Variants in PCNX2 observed in about 807,000 individuals in gnomAD.
The protein encoded by PCNX2 is pecanex-like protein 2.
A neutral mutation model predicts 223.8 loss-of-function variants in PCNX2; 168 were observed. The observed-to-expected ratio is 0.75, with a 90% CI of 0.66 to 0.85. The LOEUF (loss-of-function observed/expected upper bound fraction) is 0.85. Ranked by LOEUF, PCNX2 falls within the 40% of genes least tolerant of loss-of-function variation. The probability of loss-of-function intolerance (pLI) is 0.00; values close to 1 mark genes in which losing one functional copy is unlikely to be tolerated. For missense variants in PCNX2, 2,507 were observed against 2,675.5 expected (o/e 0.94, Z 1.39); for synonymous variants, 1,006 against 1,052.6 (o/e 0.96, Z 0.86).
chr1:233,121,536 T>C lies in PCNX2; in HGVS notation c.3837+13477A>G, dbSNP rs553451801. On this transcript the variant is annotated intron_variant, in intron 21 of 33. Coordinates refer to ENST00000258229, the MANE Select transcript of PCNX2 (RefSeq NM_014801.4). ...CTCAAGAAAAAGACCCATACAAATATGGTCAACTAGTTGTTGTTAAGGGCA... is the reference window on the plus strand; with the variant it reads ...CTCAAGAAAAAGACCCATACAAATACGGTCAACTAGTTGTTGTTAAGGGCA... 3.4e-4 allele frequency among the ~76,000 whole-genome samples: 52 copies of C among 152,296 alleles called. 1 individual carries two copies. The highest frequency in any genetic ancestry group is 1.3e-3 in the African/African-American group (52 of 41,570).
the PCNX2 span, among the ~76,000 whole-genome samples, chr1:233,321,428 G>T: frequency 6.6e-6 from 1 of 152,094 alleles, no homozygotes; most frequent in African/African-American, 2.4e-5. Context: ...CTCCCAAGTA[G>T]CTGGGATTAC....
intron 28 of PCNX2, among the ~76,000 whole-genome samples, chr1:233,003,050 T>A (rs1294458214): frequency 6.6e-6 from 1 of 151,954 alleles, no homozygotes; most frequent in African/African-American, 2.4e-5. Flanking sequence ...ACCATAAAAA[T>A]CTTAGAAGAA....
intron 23 of PCNX2, among the ~76,000 whole-genome samples, chr1:233,061,501 C>G (rs1340384196): frequency 6.6e-6 from 1 of 152,294 alleles, no homozygotes; most frequent in Non-Finnish European, 1.5e-5. Flanking sequence ...TGACCTCCAG[C>G]CTTACTGGGC....
intron 13 of PCNX2, chr1:233,202,036 C>G: frequency 2.7e-6 from 1 of 371,492 alleles, no homozygotes; most frequent in South Asian, 2.2e-5. Context: ...GAGGAAAGCT[C>G]TAGTCTTTAA....
chr1:233,125,473 T>A (rs1676043530), intron 21 of PCNX2, among the ~76,000 whole-genome samples: 1 of 152,180 alleles, frequency 6.6e-6, no homozygotes, highest in African/African-American at 2.4e-5. Flanking sequence ...ACCAGTATGT[T>A]AAACATGACC....
intron 32 of PCNX2, among the ~76,000 whole-genome samples, chr1:232,992,757 A>G (rs2102784404): frequency 6.6e-6 from 1 of 152,290 alleles, no homozygotes; most frequent in African/African-American, 2.4e-5. Context: ...CCTGCTGGGA[A>G]GTGAATGGAT....
the PCNX2 span, among the ~76,000 whole-genome samples, chr1:233,324,710 C>T: frequency 5.3e-5 from 8 of 150,322 alleles, no homozygotes; most frequent in Non-Finnish European, 1.5e-5. Context: ...AAGTGATTCT[C>T]CTGACTCAGC....
intron 9 of PCNX2, among the ~76,000 whole-genome samples, chr1:233,235,957 A>AAATATATATATATAT (rs369886650): frequency 1.6e-3 from 147 of 93,048 alleles, no homozygotes; most frequent in African/African-American, 1.9e-3. Context: ...CATAAAAAAA[A>AAATATATATATATAT]ATATATATAT....
intron 23 of PCNX2, among the ~76,000 whole-genome samples, chr1:233,070,258 G>T (rs56004731): frequency 2.0e-5 from 3 of 149,508 alleles, no homozygotes; most frequent in Non-Finnish European, 3.0e-5. Context: ...AGCTCTGAAG[G>T]CTTCACTGAA....
At chr1:233,191,149 A>G (rs1332347468) in intron 15 of PCNX2, among the ~76,000 whole-genome samples, 2 of 152,202 alleles carry the variant, frequency 1.3e-5, no homozygotes, top group Non-Finnish European at 2.9e-5. Context: ...ATGAATGCAC[A>G]TTACTTTTGA....
At chr1:233,184,952 G>A (rs996547361) in intron 15 of PCNX2, among the ~76,000 whole-genome samples, 1 of 151,598 alleles carries the variant, frequency 6.6e-6, no homozygotes, top group African/African-American at 2.4e-5. Flanking sequence ...AAAAAAAACT[G>A]ACCTTCCCTG....
At position 233,162,631 on chromosome 1, in the gene PCNX2, G is replaced by A. The variant is rs527632727; in HGVS notation, c.3274-1268C>T. ...AGAAATTCACCAAAAATTTACTTTA[G>A]CAACAGGCCATATATTGCTTCCTAT... On this transcript the variant is annotated intron_variant, in intron 17 of 33. Transcript: ENST00000258229. Among the ~76,000 whole-genome samples, 6 of 152,274 alleles carry A rather than the reference G, an allele frequency of 3.9e-5. No individual in the cohort carries two copies. The South Asian group carries it at 1.2e-3, about 32-fold the overall frequency.
intron 23 of PCNX2, among the ~76,000 whole-genome samples, chr1:233,062,264 T>C (rs1037999349): frequency 1.3e-5 from 2 of 152,220 alleles, no homozygotes; most frequent in East Asian, 3.8e-4. Context: ...TCATTTTCTA[T>C]ATGTATATGT....
At chr1:233,218,883 T>A (rs113749722) in intron 10 of PCNX2, among the ~76,000 whole-genome samples, 124 of 152,240 alleles carry the variant, frequency 8.1e-4, no homozygotes, top group African/African-American at 2.9e-3. Flanking sequence ...GGGGATGCAT[T>A]CACACCTGGC....
chr1:233,048,388 C>T (rs531184646), intron 25 of PCNX2, among the ~76,000 whole-genome samples: 2 of 152,234 alleles, frequency 1.3e-5, no homozygotes, highest in East Asian at 3.9e-4. Flanking sequence ...GCCTGGGAGG[C>T]AGATGTTGCA....
chr1:233,185,600 T>C (rs1680052955), intron 15 of PCNX2, among the ~76,000 whole-genome samples: 1 of 152,240 alleles, frequency 6.6e-6, no homozygotes, highest in Non-Finnish European at 1.5e-5. Flanking sequence ...TACCTGCCTA[T>C]TTCAGTGCTT....
chr1:233,167,844 G>T, intron 17 of PCNX2: 1 of 953,146 alleles, frequency 1.0e-6, no homozygotes, highest in Non-Finnish European at 1.2e-6. Flanking sequence ...ATAACTTTTT[G>T]CTCATTTAAA....
chr1:233,327,137 ACT>A, the PCNX2 span, among the ~76,000 whole-genome samples: 3 of 142,972 alleles, frequency 2.1e-5, no homozygotes, highest in South Asian at 4.5e-4. Context: ...CTGAACTGCA[ACT>A]CTCTCTCTCC....
intron 25 of PCNX2, among the ~76,000 whole-genome samples, chr1:233,053,372 T>A (rs1672075794): frequency 2.6e-5 from 4 of 152,142 alleles, no homozygotes; most frequent in Non-Finnish European, 4.4e-5. Flanking sequence ...TCCTCGACCA[T>A]CCCATTGAAT....
Sources: gnomAD v4.1 joint callset for allele counts (sites outside exome capture counted in the v4.1 genomes callset) on GRCh38, gnomAD v4.1.1 for gene constraint, MANE v1.5 for transcripts, NCBI Gene and HGNC (gene_info 2026-07-23, HGNC 2026-07-21) for gene names.